FRMD6: variants seen among roughly 807,000 people sequenced by gnomAD.
FRMD6 encodes the protein FERM domain containing 6.
Under a neutral mutation model 73.2 loss-of-function variants are expected in FRMD6, and 37 were observed. The observed-to-expected ratio is 0.51, with a 90% CI of 0.39 to 0.66. The LOEUF (loss-of-function observed/expected upper bound fraction) is 0.66, where lower values mean the gene tolerates loss of function less well. Among genes scored for constraint, FRMD6 ranks in the 30% least tolerant of loss-of-function variants. FRMD6 has a pLI of 0.00. For missense variants in FRMD6, 714 were observed against 780.5 expected (o/e 0.91, Z 1.02); for synonymous variants, 273 against 282.2 (o/e 0.97, Z 0.33).
At position 51,516,068 on chromosome 14, in the gene FRMD6, A is replaced by G. The variant is rs1007846620; in HGVS notation, c.-210+26648A>G. Among the ~76,000 whole-genome samples, 7 of 152,262 alleles carry G rather than the reference A, an allele frequency of 4.6e-5. No homozygotes were observed. The South Asian group carries it at 8.3e-4, about 18-fold the overall frequency. On this transcript the variant is annotated intron_variant, in intron 1 of 14. Coordinates refer to the FRMD6 transcript ENST00000356218. ...GCTGTGCATCTTAACTTCATCTCCA[A>G]GTTCTGTGGAGAGAGGGGAAAGTGC...
chr14:51,434,297 G>T, the FRMD6 span, among the ~76,000 whole-genome samples: 125 of 152,134 alleles, frequency 8.2e-4, no homozygotes, highest in East Asian at 0.023. Flanking sequence ...CCTATATTTT[G>T]GTTGTTAAAT....
At chr14:51,436,559 TG>T in the FRMD6 span, 1 of 659,356 alleles carries the variant, frequency 1.5e-6, no homozygotes, top group Non-Finnish European at 2.6e-6. Context: ...AATGGAAATC[TG>T]GAAAGGATTT....
intron 1 of FRMD6, among the ~76,000 whole-genome samples, chr14:51,654,109 G>A (rs928989117): frequency 1.3e-5 from 2 of 152,128 alleles, no homozygotes; most frequent in African/African-American, 2.4e-5. Context: ...GGGGCAACAA[G>A]GGTAAGCTGC....
chr14:51,642,858 A>G (rs1428997710), intron 2 of FRMD6, among the ~76,000 whole-genome samples: 1 of 152,222 alleles, frequency 6.6e-6, no homozygotes, highest in Non-Finnish European at 1.5e-5. Context: ...TGCTAAATGA[A>G]TCAACAAATC....
At chr14:51,516,577 G>T (rs976957172) in intron 1 of FRMD6, among the ~76,000 whole-genome samples, 1 of 152,160 alleles carries the variant, frequency 6.6e-6, no homozygotes, top group African/African-American at 2.4e-5. Context: ...GCTGCCATTT[G>T]TCTATATTCA....
the FRMD6 span, among the ~76,000 whole-genome samples, chr14:51,411,732 T>C: frequency 1.3e-5 from 2 of 152,216 alleles, no homozygotes; most frequent in Non-Finnish European, 2.9e-5. Context: ...GGTGGATTTT[T>C]GGTTTTAAGT....
At chr14:51,507,795 G>A (rs189808399) in intron 1 of FRMD6, among the ~76,000 whole-genome samples, 1 of 152,318 alleles carries the variant, frequency 6.6e-6, no homozygotes, top group East Asian at 1.9e-4. Context: ...TGGTGACAAT[G>A]CTAAGTGAGG....
At chr14:51,447,394 T>G in the FRMD6 span, among the ~76,000 whole-genome samples, 1 of 152,146 alleles carries the variant, frequency 6.6e-6, no homozygotes, top group Non-Finnish European at 1.5e-5. Flanking sequence ...GGAATCAGTG[T>G]TCTTCTATAC....
At position 51,494,853 on chromosome 14, in the gene FRMD6, T is replaced by C. The variant is rs551670429; in HGVS notation, c.-210+5433T>C. Reference sequence around the variant, plus strand: ...CAATAGGTCCTGGTTTCTGTTTAGATAGTTGACTAATTTCCTTGTCAACTA... The same window carrying C: ...CAATAGGTCCTGGTTTCTGTTTAGACAGTTGACTAATTTCCTTGTCAACTA... On this transcript the variant is annotated intron_variant, in intron 1 of 14. Transcript: ENST00000356218. Among the ~76,000 whole-genome samples, 33 of 152,372 alleles carry C rather than the reference T, an allele frequency of 2.2e-4. 1 individual carries two copies. The South Asian group carries it at 6.2e-3, about 29-fold the overall frequency.
At chr14:51,519,547 G>T (rs1175691227) in intron 1 of FRMD6, among the ~76,000 whole-genome samples, 1 of 152,182 alleles carries the variant, frequency 6.6e-6, no homozygotes, top group Admixed American at 6.5e-5. Context: ...AACTCATTCA[G>T]TTCCAATTTT....
intron 2 of FRMD6, among the ~76,000 whole-genome samples, chr14:51,579,828 C>A (rs1040616294): frequency 2.6e-5 from 4 of 152,144 alleles, no homozygotes; most frequent in Admixed American, 6.5e-5. Context: ...ATATTCTCTG[C>A]CCCATTTACA....
upstream of FRMD6, among the ~76,000 whole-genome samples, chr14:51,648,429 A>C (rs1002354498): frequency 3.3e-5 from 5 of 152,236 alleles, no homozygotes; most frequent in African/African-American, 1.2e-4. Flanking sequence ...GGGGATATTT[A>C]AAACATTCCA....
At chr14:51,655,339 G>A (rs193273067) in intron 1 of FRMD6, among the ~76,000 whole-genome samples, 3 of 152,244 alleles carry the variant, frequency 2.0e-5, no homozygotes, top group East Asian at 1.9e-4. Context: ...TGTTTATGTC[G>A]TGATTGTGTA....
At chr14:51,717,633 G>T (rs531058808) in intron 10 of FRMD6, among the ~76,000 whole-genome samples, 1 of 152,250 alleles carries the variant, frequency 6.6e-6, no homozygotes, top group East Asian at 1.9e-4. Flanking sequence ...TCTGAAAAAG[G>T]CCTGAAATTA....
chr14:51,688,206 T>C (rs528804819), intron 1 of FRMD6, among the ~76,000 whole-genome samples: 84 of 152,214 alleles, frequency 5.5e-4, no homozygotes, highest in African/African-American at 1.9e-3. Flanking sequence ...GTGAGAACGA[T>C]AGCACAGGCC....
chr14:51,712,414 A>T (rs112876891), intron 8 of FRMD6, 69 bp from the exon 9 acceptor site: 51 of 943,718 alleles, frequency 5.4e-5, no homozygotes, highest in African/African-American at 5.1e-4. Flanking sequence ...TTTCAGGGAA[A>T]GAAGTTAGAG....
the FRMD6 span, among the ~76,000 whole-genome samples, chr14:51,459,192 T>G: frequency 1.3e-5 from 2 of 152,214 alleles, no homozygotes; most frequent in African/African-American, 4.8e-5. Flanking sequence ...CAAAAATCAC[T>G]TTCTCTGACA....
intron 1 of FRMD6, among the ~76,000 whole-genome samples, chr14:51,550,491 T>G (rs1886748999): frequency 6.6e-6 from 1 of 152,110 alleles, no homozygotes; most frequent in East Asian, 1.9e-4. Flanking sequence ...ATGGCATTTG[T>G]GCCTGTGTGT....
chr14:51,501,045 C>A (rs1255609354), intron 1 of FRMD6, among the ~76,000 whole-genome samples: 1 of 152,154 alleles, frequency 6.6e-6, no homozygotes, highest in East Asian at 1.9e-4. Context: ...CCTGTTCCTC[C>A]TTCCTAGCAT....
Sources: gnomAD v4.1 joint callset for allele counts (sites outside exome capture counted in the v4.1 genomes callset) on GRCh38, gnomAD v4.1.1 for gene constraint, MANE v1.5 for transcripts, NCBI Gene and HGNC (gene_info 2026-07-23, HGNC 2026-07-21) for gene names.